The following PDZRN4 variants were observed in gnomAD, a reference collection of about 807,000 sequenced individuals.
The protein encoded by PDZRN4 is PDZ domain-containing RING finger protein 4.
In PDZRN4, 70 loss-of-function variants were observed where a neutral mutation model predicts 99.0. The observed-to-expected ratio is 0.71, with a 90% CI of 0.58 to 0.86. The LOEUF (loss-of-function observed/expected upper bound fraction) is 0.86. PDZRN4 is among the 40% of genes least tolerant of loss of function. PDZRN4 has a pLI of 0.00. For missense variants in PDZRN4, 1,474 were observed against 1,331.2 expected, an observed-to-expected ratio of 1.11 and a Z score of -1.67; for synonymous variants, 551 against 501.6, an observed-to-expected ratio of 1.10 and a Z score of -1.32.
At chr12:41,520,996 T>C (rs932546080) in intron 5 of PDZRN4, among the ~76,000 whole-genome samples, 2 of 152,094 alleles carry the variant, frequency 1.3e-5, no homozygotes, top group African/African-American at 4.8e-5. Context: ...AGGCAACATA[T>C]GTTTGTATTT....
chr12:41,530,480 A>G (rs1938641836), intron 5 of PDZRN4, among the ~76,000 whole-genome samples: 1 of 152,190 alleles, frequency 6.6e-6, no homozygotes. Flanking sequence ...GTTCACTGCT[A>G]TATGGGATTA....
At chr12:41,425,275 C>T (rs1952525758) in intron 3 of PDZRN4, among the ~76,000 whole-genome samples, 1 of 151,218 alleles carries the variant, frequency 6.6e-6, no homozygotes, top group South Asian at 2.1e-4. Context: ...AACTTTCTAA[C>T]ACAAGTGAGG....
intron 3 of PDZRN4, among the ~76,000 whole-genome samples, chr12:41,503,623 CT>C (rs1938149182): frequency 6.6e-6 from 1 of 152,120 alleles, no homozygotes; most frequent in Non-Finnish European, 1.5e-5. Context: ...AGGAATCTCA[CT>C]TTTTAAAAAT....
intron 5 of PDZRN4, among the ~76,000 whole-genome samples, chr12:41,541,363 G>A (rs766016227): frequency 5.9e-5 from 9 of 151,690 alleles, no homozygotes; most frequent in East Asian, 5.8e-4. Flanking sequence ...GGCTGCCAAC[G>A]ACATTGATTC....
intron 3 of PDZRN4, among the ~76,000 whole-genome samples, chr12:41,433,670 T>C (rs925278655): frequency 4.6e-5 from 7 of 152,300 alleles, no homozygotes; most frequent in Admixed American, 4.6e-4. Context: ...ACTGGAGTCA[T>C]TGCAAAAGGC....
intron 3 of PDZRN4, among the ~76,000 whole-genome samples, chr12:41,215,067 C>G (rs1265179741): frequency 6.6e-6 from 1 of 152,064 alleles, no homozygotes; most frequent in Non-Finnish European, 1.5e-5. Context: ...CCTTCAAACA[C>G]AGTTGCATGG....
intron 5 of PDZRN4, among the ~76,000 whole-genome samples, chr12:41,543,188 A>G (rs767078336): frequency 1.3e-5 from 2 of 152,142 alleles, no homozygotes; most frequent in Non-Finnish European, 2.9e-5. Flanking sequence ...GATTCATCCA[A>G]TCTATCTTTT....
intron 3 of PDZRN4, among the ~76,000 whole-genome samples, chr12:41,458,038 A>G (rs867486486): frequency 6.6e-6 from 1 of 152,354 alleles, no homozygotes; most frequent in Middle Eastern, 3.4e-3. Flanking sequence ...CATGAAGAAC[A>G]TGCAATTCAA....
chr12:41,549,822 G>C (rs1477315657), intron 5 of PDZRN4, among the ~76,000 whole-genome samples: 2 of 152,124 alleles, frequency 1.3e-5, no homozygotes, highest in Non-Finnish European at 2.9e-5. Flanking sequence ...TAGGGGACAA[G>C]CAAAATGGCA....
At chr12:41,403,586 A>C (rs1277996259) in intron 3 of PDZRN4, among the ~76,000 whole-genome samples, 1 of 152,134 alleles carries the variant, frequency 6.6e-6, no homozygotes, top group Non-Finnish European at 1.5e-5. Context: ...AGAAATACGC[A>C]GTTGGTTCTT....
At chr12:41,318,557 T>G (rs560937414) in intron 3 of PDZRN4, among the ~76,000 whole-genome samples, 12 of 152,306 alleles carry the variant, frequency 7.9e-5, no homozygotes, top group Admixed American at 1.3e-4. Flanking sequence ...CATGGTGAGA[T>G]GTAGGGACCC....
intron 3 of PDZRN4, among the ~76,000 whole-genome samples, chr12:41,222,053 C>T (rs1215026393): frequency 6.6e-6 from 1 of 152,120 alleles, no homozygotes; most frequent in Non-Finnish European, 1.5e-5. Context: ...CAAATTATTC[C>T]TTCACGTGGA....
chr12:41,219,965 TG>T (rs762828356), intron 3 of PDZRN4, among the ~76,000 whole-genome samples: 4 of 152,044 alleles, frequency 2.6e-5, no homozygotes, highest in Non-Finnish European at 5.9e-5. Context: ...GGTAAATCCA[TG>T]GGAGTGCTTT....
At chr12:41,306,580 A>G (rs1050075884) in intron 3 of PDZRN4, among the ~76,000 whole-genome samples, 5 of 152,114 alleles carry the variant, frequency 3.3e-5, no homozygotes, top group Non-Finnish European at 7.4e-5. Context: ...GTCAGTCACA[A>G]CCTTACTGTT....
chr12:41,431,146 CA>C (rs1288197363), intron 3 of PDZRN4, among the ~76,000 whole-genome samples: 4 of 152,100 alleles, frequency 2.6e-5, no homozygotes, highest in African/African-American at 9.7e-5. Flanking sequence ...GACACAGATC[CA>C]AACCATATCA....
chr12:41,544,226 G>A (rs1395832567), intron 5 of PDZRN4, among the ~76,000 whole-genome samples: 2 of 152,214 alleles, frequency 1.3e-5, no homozygotes, highest in East Asian at 3.9e-4. Context: ...CTTAGAATGA[G>A]TAACTTCATA....
At chr12:41,475,056 T>A (rs1043351174) in intron 3 of PDZRN4, among the ~76,000 whole-genome samples, 19 of 152,302 alleles carry the variant, frequency 1.2e-4, no homozygotes, top group African/African-American at 4.3e-4. Context: ...TTCAATAGTG[T>A]GGTTACAGTA....
chr12:41,251,771 A>G (rs1002831404), intron 3 of PDZRN4, among the ~76,000 whole-genome samples: 3 of 152,176 alleles, frequency 2.0e-5, no homozygotes, highest in African/African-American at 7.2e-5. Context: ...AATATAGTCA[A>G]CAAGTCATTA....
intron 3 of PDZRN4, among the ~76,000 whole-genome samples, chr12:41,217,422 C>A (rs78105768): frequency 0.012 from 1,759 of 152,028 alleles, 54 homozygotes; most frequent in East Asian, 0.1. Context: ...TGGTCCTGCT[C>A]TAAGGCTTTC....
Sources: allele counts gnomAD v4.1 joint callset (sites outside exome capture counted in the v4.1 genomes callset), GRCh38; gene constraint gnomAD v4.1.1; transcripts MANE v1.5; gene names NCBI Gene and HGNC (gene_info 2026-07-23, HGNC 2026-07-21).